SRR: variants seen among roughly 807,000 people sequenced by gnomAD.
SRR encodes the protein D-serine ammonia-lyase.
In SRR, 19 loss-of-function variants were observed where a neutral mutation model predicts 32.7. That is an observed-to-expected ratio of 0.58 (90% confidence interval 0.40 to 0.85). SRR has a LOEUF of 0.85. Ranked by LOEUF, SRR falls within the 40% of genes least tolerant of loss-of-function variation. SRR has a pLI of 0.00. For missense variants in SRR, 373 were observed against 404.7 expected (o/e 0.92, Z 0.67); for synonymous variants, 142 against 140.9 (o/e 1.01, Z -0.06).
In SRR at chr17:2,315,743, T is replaced by C. The variant is rs778123314; in HGVS notation, c.168+15T>C. 1.2e-6 allele frequency: 2 copies of C among 1,610,198 alleles called. No individual in the cohort carries two copies. The highest frequency in any genetic ancestry group is 1.7e-6 in the Non-Finnish European group (2 of 1,177,200). The stretch of plus-strand genomic sequence containing the variant: ...GATCTTTTAAGGTAACAATCCTTTT[T>C]CTCAGTGTATCATGTATGTTTTCAC... On this transcript the variant is annotated intron_variant, in intron 2 of 7. Transcript: ENST00000344595.
intron 1 of SRR, 178 bp from the exon 2 acceptor site, chr17:2,315,379 A>G: frequency 3.7e-6 from 2 of 537,888 alleles, no homozygotes; most frequent in South Asian, 8.2e-5. Context: ...CACCAGAAAA[A>G]CTTCGTTCAG....
At chr17:2,307,346 A>G (rs1182289155) in intron 1 of SRR, 14 of 1,055,098 alleles carry the variant, frequency 1.3e-5, no homozygotes, top group East Asian at 2.4e-5. Context: ...CAAAGAGGTC[A>G]AAGTACTTCT....
At chr17:2,322,716 C>T (rs145446023) in intron 6 of SRR, 2,065 of 156,146 alleles carry the variant, frequency 0.013, 39 homozygotes, top group Admixed American at 0.048. Flanking sequence ...CGGGGTTTCA[C>T]CGTGTTAGCC....
At chr17:2,321,182 A>C in intron 4 of SRR, 124 bp from the exon 5 acceptor site, 1 of 1,116,286 alleles carries the variant, frequency 9.0e-7, no homozygotes, top group Non-Finnish European at 1.3e-6. Flanking sequence ...TAACATATAT[A>C]TCTCTAGTAC....
In SRR at chr17:2,315,701, A is replaced by C. The variant is rs1470538184; in HGVS notation, c.141A>C (p.Glu47Asp). 2 of 1,613,744 alleles carry C rather than the reference A, an allele frequency of 1.2e-6. No homozygotes were observed. Among genetic ancestry groups the C allele is most frequent in the African/African-American group, 2.7e-5 (2 of 74,856 alleles). The change falls in exon 2 of 8, where the codon GAA (glutamate) becomes GAC (aspartate). Residue 47 changes from glutamate to aspartate, a missense_variant. By Grantham distance (45) the Glu-to-Asp change is conservative. Transcript: ENST00000344595. ...GGCGCAATCTTTTCTTCAAATGTGA[A>C]CTCTTCCAGAAAACAGGATCTTTTA... ...LTGRNLFFKCELFQKTGSFKI... is the reference protein window; with the variant it reads ...LTGRNLFFKCDLFQKTGSFKI...
At chr17:2,317,336 C>A (rs1415258336) in intron 2 of SRR, among the ~76,000 whole-genome samples, 1 of 151,404 alleles carries the variant, frequency 6.6e-6, no homozygotes, top group Admixed American at 6.6e-5. Context: ...ACGGGGAAAC[C>A]CCGTCGCTAC....
At chr17:2,310,079 C>G (rs556961496) in intron 1 of SRR, 5 of 150,902 alleles carry the variant, frequency 3.3e-5, no homozygotes, top group African/African-American at 1.2e-4. Context: ...ATGGTTTGTT[C>G]ATTTCTTCAT....
At chr17:2,323,515 A>G in intron 7 of SRR, 140 bp from the exon 8 acceptor site, 1 of 1,152,526 alleles carries the variant, frequency 8.7e-7, no homozygotes, top group Non-Finnish European at 1.2e-6. Flanking sequence ...AAGCAGAGTC[A>G]GAATTAAAGA....
At chr17:2,319,789 T>C (rs1318072677) in intron 4 of SRR, among the ~76,000 whole-genome samples, 2 of 151,338 alleles carry the variant, frequency 1.3e-5, no homozygotes, top group East Asian at 3.9e-4. Context: ...CAACCAGAGG[T>C]CTCCATTTAA....
intron 1 of SRR, chr17:2,309,808 C>T (rs948288527): frequency 2.6e-5 from 4 of 152,146 alleles, no homozygotes; most frequent in African/African-American, 9.7e-5. Flanking sequence ...GGTCCTGGGC[C>T]AAGATGGGCC....
At chr17:2,319,237 T>C (rs1364074077) in intron 4 of SRR, among the ~76,000 whole-genome samples, 1 of 152,216 alleles carries the variant, frequency 6.6e-6, no homozygotes, top group Non-Finnish European at 1.5e-5. Flanking sequence ...ACCAAACTCC[T>C]GATCTTACTT....
At chr17:2,317,009 A>C (rs918369757) in intron 2 of SRR, among the ~76,000 whole-genome samples, 1 of 149,500 alleles carries the variant, frequency 6.7e-6, no homozygotes, top group African/African-American at 2.5e-5. Flanking sequence ...GGCATGAGTC[A>C]CCGCACCCAG....
chr17:2,316,566 A>T (rs1183058321), intron 2 of SRR, among the ~76,000 whole-genome samples: 2 of 152,234 alleles, frequency 1.3e-5, no homozygotes, highest in Non-Finnish European at 2.9e-5. Flanking sequence ...CCACACGGCA[A>T]AACTCTGTCT....
At position 2,318,846 on chromosome 17, in the gene SRR, G is replaced by T. The variant is rs1319964289; in HGVS notation, c.316G>T (p.Val106Leu). ...CCCAGGAATTCCTGCTTATATTGTG[G>T]TGCCCCAGACAGCTCCAGACTGTAA... is the stretch of plus-strand genomic sequence containing the variant. Reference protein sequence around the residue: ...KLEGIPAYIVVPQTAPDCKKL... With the variant: ...KLEGIPAYIVLPQTAPDCKKL... The change falls in exon 4 of 8, where the codon GTG becomes TTG. Residue 106 changes from valine to leucine, a missense_variant. Coordinates refer to ENST00000344595, the MANE Select transcript of SRR (RefSeq NM_021947.3). 1.2e-6 allele frequency: 2 copies of T among 1,613,294 alleles called. No individual in the cohort carries two copies. The highest frequency in any genetic ancestry group is 1.7e-5 in the Admixed American group (1 of 59,940).
intron 7 of SRR, 35 bp from the exon 8 acceptor site, chr17:2,323,620 C>T: frequency 6.2e-7 from 1 of 1,605,628 alleles, no homozygotes; most frequent in Non-Finnish European, 8.5e-7. Context: ...CTAGACTCCC[C>T]TTTCACTAAT....
At chr17:2,307,330 T>G (rs1289181710) in intron 1 of SRR, 10 of 1,058,096 alleles carry the variant, frequency 9.5e-6, no homozygotes, top group Non-Finnish European at 1.3e-5. Flanking sequence ...GAGTGCTTCA[T>G]CCAGCCAAAG....
intron 4 of SRR, among the ~76,000 whole-genome samples, chr17:2,320,514 A>C (rs1045996792): frequency 6.6e-6 from 1 of 151,320 alleles, no homozygotes. Flanking sequence ...TTGGCCTCCC[A>C]AAGTGCTGGG....
intron 4 of SRR, among the ~76,000 whole-genome samples, chr17:2,320,108 A>G (rs568399003): frequency 1.9e-4 from 29 of 150,438 alleles, no homozygotes; most frequent in East Asian, 6.0e-4. Flanking sequence ...GTGAGCCACC[A>G]CGCCTGGCCA....
chr17:2,305,861 C>T (rs1326918284), intron 1 of SRR, among the ~76,000 whole-genome samples: 2 of 151,900 alleles, frequency 1.3e-5, no homozygotes, highest in Non-Finnish European at 2.9e-5. Flanking sequence ...CCATGCCCAG[C>T]TAATTTTTTG....
Sources: allele counts gnomAD v4.1 joint callset (sites outside exome capture counted in the v4.1 genomes callset), GRCh38; gene constraint gnomAD v4.1.1; transcripts MANE v1.5; gene names NCBI Gene and HGNC (gene_info 2026-07-23, HGNC 2026-07-21).